FAAH2: variants seen among roughly 807,000 people sequenced by gnomAD.
The protein encoded by FAAH2 is fatty acid amide hydrolase 2, also known as fatty-acid amide hydrolase 2.
A neutral mutation model predicts 36.9 loss-of-function variants in FAAH2; 60 were observed. The observed-to-expected ratio is 1.63, with a 90% CI of 1.32 to 2.02. The LOEUF (loss-of-function observed/expected upper bound fraction) is 2.02, where lower values mean the gene tolerates loss of function less well. FAAH2 is among the 30% of genes most tolerant of loss of function. FAAH2 has a pLI of 0.00. For synonymous variants in FAAH2, 214 were observed against 143.8 expected (o/e 1.49, Z -3.49); for missense variants, 689 against 397.5 (o/e 1.73, Z -6.23).
intron 7 of FAAH2, among the ~76,000 whole-genome samples, chrX:57,409,616 G>A (rs1204215509): frequency 9.0e-6 from 1 of 110,741 alleles, no homozygotes; most frequent in East Asian, 2.8e-4. Flanking sequence ...CTCAGCCTTT[G>A]TAGTTTTTAT....
the FAAH2 span, among the ~76,000 whole-genome samples, chrX:57,265,985 G>A: frequency 8.9e-6 from 1 of 112,069 alleles, no homozygotes; most frequent in Non-Finnish European, 1.9e-5. Flanking sequence ...GCTCCCAGGG[G>A]TAGGGGTGGG....
At chrX:57,122,410 G>C in the FAAH2 span, among the ~76,000 whole-genome samples, 1 of 111,528 alleles carries the variant, frequency 9.0e-6, no homozygotes, top group African/African-American at 3.3e-5. Flanking sequence ...TCCCAGTACT[G>C]GGCATTTGAC....
chrX:57,171,093 C>CT, the FAAH2 span, among the ~76,000 whole-genome samples: 1 of 111,201 alleles, frequency 9.0e-6, no homozygotes, highest in Non-Finnish European at 1.9e-5. Flanking sequence ...ATATATTATT[C>CT]TTTTTTTATG....
intron 7 of FAAH2, among the ~76,000 whole-genome samples, chrX:57,406,943 G>A (rs763577931): frequency 8.9e-6 from 1 of 112,677 alleles, no homozygotes; most frequent in East Asian, 2.8e-4. Context: ...TAGATGGGGT[G>A]GCAGGAGGTG....
At chrX:57,469,959 T>A (rs1224587492) in intron 10 of FAAH2, among the ~76,000 whole-genome samples, 4 of 111,397 alleles carry the variant, frequency 3.6e-5, no homozygotes, top group Non-Finnish European at 3.8e-5. Flanking sequence ...TCAAAACCAC[T>A]CAGCTACATG....
At chrX:57,448,414 T>C in intron 9 of FAAH2, 110 bp from the exon 10 acceptor site, 1 of 731,919 alleles carries the variant, frequency 1.4e-6, no homozygotes, top group Non-Finnish European at 1.9e-6. Context: ...TCACTTACTT[T>C]CTCAGTGTTC....
the FAAH2 span, among the ~76,000 whole-genome samples, chrX:57,194,971 G>A: frequency 9.0e-6 from 1 of 111,417 alleles, no homozygotes; most frequent in African/African-American, 3.3e-5. Flanking sequence ...GTGTGTGTGT[G>A]TGTAAGTGTG....
chrX:57,270,342 A>G, the FAAH2 span, among the ~76,000 whole-genome samples: 50 of 111,853 alleles, frequency 4.5e-4, 1 homozygote, highest in South Asian at 2.6e-3. Context: ...ATTGAGGAGA[A>G]TGGACGCCTC....
At chrX:57,126,064 C>A in the FAAH2 span, among the ~76,000 whole-genome samples, 1 of 112,040 alleles carries the variant, frequency 8.9e-6, no homozygotes, top group Non-Finnish European at 1.9e-5. Flanking sequence ...GGCCAGACAA[C>A]AAAGGGGCAC....
the FAAH2 span, among the ~76,000 whole-genome samples, chrX:57,209,835 C>T: frequency 9.0e-6 from 1 of 111,303 alleles, no homozygotes; most frequent in Admixed American, 9.6e-5. Flanking sequence ...CTGAAACAGT[C>T]AGTCTTTTGG....
intron 3 of FAAH2, among the ~76,000 whole-genome samples, chrX:57,327,055 C>A (rs1315878153): frequency 9.2e-6 from 1 of 109,002 alleles, no homozygotes; most frequent in African/African-American, 3.4e-5. Context: ...AATCTCTCAG[C>A]ATTTGCTTGT....
chrX:57,417,171 A>G, intron 7 of FAAH2, among the ~76,000 whole-genome samples: 1 of 111,734 alleles, frequency 8.9e-6, no homozygotes. Context: ...GGGTTAGAAC[A>G]TGCTCCTTTA....
the FAAH2 span, among the ~76,000 whole-genome samples, chrX:57,280,958 G>T: frequency 8.9e-6 from 1 of 112,085 alleles, no homozygotes; most frequent in Non-Finnish European, 1.9e-5. Flanking sequence ...CAGAGTGAAA[G>T]AAACAAACCC....
At chrX:57,236,484 G>A in the FAAH2 span, among the ~76,000 whole-genome samples, 3 of 111,831 alleles carry the variant, frequency 2.7e-5, no homozygotes, top group African/African-American at 9.7e-5. Flanking sequence ...TCCTTTCTTC[G>A]TGTCCTTGAC....
In FAAH2 at chrX:57,341,386, T is replaced by C; in HGVS notation, c.738T>C (p.Ser246=). The C allele has an allele frequency of 8.3e-7, 1 of 1,208,303 alleles. No homozygotes were observed. The highest frequency in any genetic ancestry group is 1.8e-5 in the South Asian group (1 of 56,195). The change falls in exon 5 of 11, where the codon TCT becomes TCC. Residue 246 remains serine (S), a synonymous_variant. Coordinates refer to ENST00000374900, the MANE Select transcript of FAAH2 (RefSeq NM_174912.4). ...ATGGTATATTTGGACACAAGCCTTC[T>C]CCAGGTAATGTTAATATGATCAGAA... ...FFNGIFGHKP[S]PGVVPNKGQF...
At chrX:57,414,565 C>G (rs750760761) in intron 7 of FAAH2, among the ~76,000 whole-genome samples, 1 of 111,646 alleles carries the variant, frequency 9.0e-6, no homozygotes, top group Non-Finnish European at 1.9e-5. Context: ...AGGGATGAAG[C>G]TGACTTGATT....
chrX:57,208,354 G>A, the FAAH2 span, among the ~76,000 whole-genome samples: 3 of 112,132 alleles, frequency 2.7e-5, no homozygotes, highest in South Asian at 3.7e-4. Flanking sequence ...GTGTGAAAAG[G>A]TTCCAAGGTG....
intron 7 of FAAH2, among the ~76,000 whole-genome samples, chrX:57,421,656 T>G (rs1031551301): frequency 9.0e-6 from 1 of 111,260 alleles, no homozygotes; most frequent in African/African-American, 3.3e-5. Context: ...AAAGATTATC[T>G]CTAGATACAG....
intron 5 of FAAH2, among the ~76,000 whole-genome samples, chrX:57,355,925 T>C (rs1440695299): frequency 9.0e-6 from 1 of 111,463 alleles, no homozygotes; most frequent in Non-Finnish European, 1.9e-5. Flanking sequence ...GAACTTTTCA[T>C]ATATAGCCTT....
Sources: allele counts gnomAD v4.1 joint callset (sites outside exome capture counted in the v4.1 genomes callset), GRCh38; gene constraint gnomAD v4.1.1; transcripts MANE v1.5; gene names NCBI Gene and HGNC (gene_info 2026-07-23, HGNC 2026-07-21).